The following LRRC4C variants were observed in gnomAD, a reference collection of about 807,000 sequenced individuals.
LRRC4C encodes the protein leucine-rich repeat-containing protein 4C.
Under a neutral mutation model 33.6 loss-of-function variants are expected in LRRC4C, and 5 were observed. The ratio of observed to expected loss-of-function variants is 0.15; its 90% CI spans 0.08 to 0.31. The LOEUF is 0.31. Among genes scored for constraint, LRRC4C ranks in the 10% least tolerant of loss-of-function variants. The pLI, the probability that LRRC4C is intolerant of heterozygous loss-of-function variation, is 1.00. For missense variants in LRRC4C, 560 were observed against 796.7 expected (o/e 0.70, Z 3.58); for synonymous variants, 329 against 302.0 (o/e 1.09, Z -0.93).
chr11:40,471,682 C>CAAA (rs3041120), intron 3 of LRRC4C, among the ~76,000 whole-genome samples: 44,799 of 130,396 alleles, frequency 0.34, 7,877 homozygotes, highest in Non-Finnish European at 0.42. Flanking sequence ...AATGGAAAGC[C>CAAA]AAAAAAAAAA....
At chr11:40,909,925 A>C (rs978130432) in intron 2 of LRRC4C, among the ~76,000 whole-genome samples, 2 of 152,226 alleles carry the variant, frequency 1.3e-5, no homozygotes, top group African/African-American at 4.8e-5. Context: ...AATATAATAA[A>C]CAACTGAAAA....
intron 2 of LRRC4C, among the ~76,000 whole-genome samples, chr11:40,757,808 A>G (rs1298052762): frequency 6.6e-6 from 1 of 152,030 alleles, no homozygotes; most frequent in Non-Finnish European, 1.5e-5. Flanking sequence ...CCCAAAGGGT[A>G]ATAGCACACC....
At position 40,665,057 on chromosome 11, in the gene LRRC4C, G is replaced by T. The variant is rs555408071; in HGVS notation, c.-406-16779C>A. Among the ~76,000 whole-genome samples the T allele has an allele frequency of 4.6e-5, 7 of 151,468 alleles. No homozygotes were observed. In the East Asian group the frequency reaches 1.2e-3, roughly 25 times the overall value. On this transcript the variant is annotated intron_variant, in intron 2 of 6. Coordinates refer to ENST00000528697, the MANE Select transcript of LRRC4C (RefSeq NM_001258419.2). ...TTTTGTCCTTGCGGTAGTTTGCTGA[G>T]AATGATGGTTTGTCAAGGATGACAA...
intron 1 of LRRC4C, among the ~76,000 whole-genome samples, chr11:41,278,599 C>T (rs1949555561): frequency 6.6e-6 from 1 of 152,162 alleles, no homozygotes; most frequent in South Asian, 2.1e-4. Context: ...GATTGCTGGG[C>T]CTCGCCCCCT....
rs183154909 is a variant in LRRC4C, at chr11:40,648,988, G to A, written c.-406-710C>T. The stretch of plus-strand genomic sequence containing the variant: ...CAAAAGGGGAGGGGTGTACAAAAGG[G>A]AAGTAGGTCACAAAGATCACAGGCT... On this transcript the variant is annotated intron_variant, in intron 2 of 6. Coordinates refer to ENST00000528697, the MANE Select transcript of LRRC4C (RefSeq NM_001258419.2). 2.8e-3 allele frequency among the ~76,000 whole-genome samples: 430 copies of A among 152,272 alleles called. 2 individuals carry two copies. Among genetic ancestry groups the A allele is most frequent in the African/African-American group, 9.8e-3 (406 of 41,550 alleles).
chr11:40,222,258 G>A (rs892826623), intron 5 of LRRC4C, among the ~76,000 whole-genome samples: 5 of 151,984 alleles, frequency 3.3e-5, no homozygotes, highest in African/African-American at 4.8e-5. Context: ...TCATGGCCTC[G>A]CTTAAAGTGT....
rs370839837 is a variant in LRRC4C at position 40,835,731 on chromosome 11, G to A, written c.-407+97904C>T. Among the ~76,000 whole-genome samples, 121 of 152,154 alleles carry A rather than the reference G, an allele frequency of 8.0e-4. 4 individuals are homozygous for A. The South Asian group carries it at 0.022, about 28-fold the overall frequency. ...ATTGGTATTTGAAGATTATATGGTC[G>A]TATATTTACAAAACACCAAATAATT... is the stretch of plus-strand genomic sequence containing the variant. On this transcript the variant is annotated intron_variant, in intron 2 of 6. Transcript: ENST00000528697.
At chr11:40,296,605 C>T (rs915868909) in intron 4 of LRRC4C, among the ~76,000 whole-genome samples, 1 of 152,112 alleles carries the variant, frequency 6.6e-6, no homozygotes, top group Non-Finnish European at 1.5e-5. Flanking sequence ...ATTTGTAACC[C>T]TTTCAGAGGA....
chr11:40,641,436 C>T (rs1182765965), intron 3 of LRRC4C, among the ~76,000 whole-genome samples: 1 of 152,096 alleles, frequency 6.6e-6, no homozygotes, highest in African/African-American at 2.4e-5. Context: ...GCTCTAGGCA[C>T]TCATGAAAAG....
chr11:40,524,555 T>A (rs930784236), intron 3 of LRRC4C, among the ~76,000 whole-genome samples: 2 of 151,968 alleles, frequency 1.3e-5, no homozygotes, highest in Non-Finnish European at 2.9e-5. Context: ...TTCAGAAAAA[T>A]TTATTATTAA....
At chr11:41,232,831 CAAT>C (rs2136474777) in intron 1 of LRRC4C, among the ~76,000 whole-genome samples, 1 of 150,892 alleles carries the variant, frequency 6.6e-6, no homozygotes, top group African/African-American at 2.4e-5. Context: ...CAAATAAGAA[CAAT>C]TAGCAATTTT....
At chr11:41,252,274 G>A (rs927883065) in intron 1 of LRRC4C, among the ~76,000 whole-genome samples, 1 of 152,094 alleles carries the variant, frequency 6.6e-6, no homozygotes, top group Non-Finnish European at 1.5e-5. Context: ...ACTTGACAAA[G>A]TTAGACTCCT....
intron 6 of LRRC4C, among the ~76,000 whole-genome samples, chr11:40,132,846 T>A (rs1856739127): frequency 6.6e-6 from 1 of 152,150 alleles, no homozygotes; most frequent in Non-Finnish European, 1.5e-5. Context: ...TGATTTGCTC[T>A]AGGCTTTCAG....
intron 1 of LRRC4C, among the ~76,000 whole-genome samples, chr11:41,086,825 G>A (rs1307249985): frequency 6.6e-6 from 1 of 151,176 alleles, no homozygotes; most frequent in East Asian, 1.9e-4. Flanking sequence ...AAGTTTGACT[G>A]CTGTCGATGT....
intron 1 of LRRC4C, among the ~76,000 whole-genome samples, chr11:41,220,999 T>C (rs960070631): frequency 6.6e-6 from 1 of 152,226 alleles, no homozygotes; most frequent in Non-Finnish European, 1.5e-5. Context: ...ACTTAACTTT[T>C]ATTTTAAGTT....
At chr11:41,331,111 T>C (rs1951280412) in intron 1 of LRRC4C, among the ~76,000 whole-genome samples, 1 of 152,192 alleles carries the variant, frequency 6.6e-6, no homozygotes, top group African/African-American at 2.4e-5. Flanking sequence ...TGAAAATCTC[T>C]ATCTTGAAGT....
chr11:40,433,121 G>A (rs1467672472), intron 3 of LRRC4C, among the ~76,000 whole-genome samples: 5 of 152,018 alleles, frequency 3.3e-5, no homozygotes, highest in African/African-American at 1.2e-4. Flanking sequence ...GGATTATGTT[G>A]TACATATATT....
intron 2 of LRRC4C, among the ~76,000 whole-genome samples, chr11:40,881,603 C>T (rs1265001125): frequency 1.3e-5 from 2 of 150,784 alleles, no homozygotes; most frequent in African/African-American, 2.4e-5. Context: ...TATATAATTA[C>T]TTTCATATTT....
intron 3 of LRRC4C, among the ~76,000 whole-genome samples, chr11:40,504,421 C>G (rs184810024): frequency 6.6e-6 from 1 of 152,070 alleles, no homozygotes; most frequent in East Asian, 2.0e-4. Context: ...TCAGTTCCCA[C>G]AGAAAAAGAC....
Sources: gnomAD v4.1 joint callset for allele counts (sites outside exome capture counted in the v4.1 genomes callset) on GRCh38, gnomAD v4.1.1 for gene constraint, MANE v1.5 for transcripts, NCBI Gene and HGNC (gene_info 2026-07-23, HGNC 2026-07-21) for gene names.